ZNF181: variants seen among roughly 807,000 people sequenced by gnomAD.
ZNF181 encodes the protein zinc finger protein 181 (HHZ181).
A neutral mutation model predicts 11.9 loss-of-function variants in ZNF181; 8 were observed. That is an observed-to-expected ratio of 0.67 (90% CI 0.39 to 1.21). The LOEUF (loss-of-function observed/expected upper bound fraction) is 1.21. ZNF181 is among the 50% of genes most tolerant of loss of function. The pLI is 0.01. For missense variants in ZNF181, 542 were observed against 670.9 expected, an observed-to-expected ratio of 0.81 and a Z score of 2.12; for synonymous variants, 202 against 221.1, an observed-to-expected ratio of 0.91 and a Z score of 0.77.
At position 34,740,692 on chromosome 19, in the gene ZNF181, T is replaced by C. The variant is rs1010756876; in HGVS notation, c.311T>C (p.Ile104Thr). The change falls in exon 4 of 4, where the codon ATA becomes ACA. Residue 104 changes from isoleucine to threonine, a missense_variant. Coordinates refer to ENST00000492450, the MANE Select transcript of ZNF181 (RefSeq NM_001029997.4). ...YDEDSPQTVI[I>T]EKVVKQSYEF... Reference sequence around the variant, plus strand: ...GAAGATTCACCCCAAACAGTAATAATAGAAAAAGTTGTAAAACAAAGTTAT... The same window carrying C: ...GAAGATTCACCCCAAACAGTAATAACAGAAAAAGTTGTAAAACAAAGTTAT... The C allele has an allele frequency of 4.3e-6, 7 of 1,612,250 alleles. No individual in the cohort carries two copies. The highest frequency in any genetic ancestry group is 1.3e-5 in the African/African-American group (1 of 74,744).
chr19:34,736,987 A>T (rs2068898567), intron 1 of ZNF181, among the ~76,000 whole-genome samples: 1 of 152,260 alleles, frequency 6.6e-6, no homozygotes, highest in Non-Finnish European at 1.5e-5. Context: ...TAACTAACAC[A>T]GTGGCAACTC....
Position 34,734,849 on chromosome 19 carries a change from GGA to G in ZNF181, c.-184_-183del. 1.7e-6 allele frequency: 1 copy of G among 586,530 alleles called. No individual in the cohort carries two copies. Among genetic ancestry groups the G allele is most frequent in the South Asian group, 2.4e-5 (1 of 42,172 alleles). 36.3% of individuals were successfully genotyped at this position (586,530 alleles called of 1,614,324 possible). A position where few individuals can be genotyped will look rare whatever the true frequency, so the allele number is the denominator to read the frequency against. On this transcript the variant is annotated 5_prime_UTR_variant, in exon 1 of 4. Transcript: ENST00000492450. Reference sequence around the variant, plus strand: ...GGAGAAACACCCTGTTAGTTCCCAGGGAGAGATTGGCGCCCTGGAGAGTGATT... The same window carrying G: ...GGAGAAACACCCTGTTAGTTCCCAGGGAGATTGGCGCCCTGGAGAGTGATT...
In ZNF181 at chr19:34,745,028, T is replaced by G. The variant is rs978062429; in HGVS notation, c.*2931T>G. ...GGAAAAAGAAGGCCATCTTTTTAAA[T>G]GAAGATAGTTTTAAGAGAGCAATAA... On this transcript the variant is annotated 3_prime_UTR_variant, in exon 4 of 4. Transcript: ENST00000492450. 2.0e-5 allele frequency: 3 copies of G among 152,238 alleles called. No homozygotes were observed. Among genetic ancestry groups the G allele is most frequent in the African/African-American group, 7.2e-5 (3 of 41,468 alleles). 9.4% of individuals were successfully genotyped at this position (152,238 alleles called of 1,614,324 possible). A position where few individuals can be genotyped will look rare whatever the true frequency, so the allele number is the denominator to read the frequency against.
intron 1 of ZNF181, 52 bp downstream of exon 1, chr19:34,735,098 G>A: frequency 6.4e-7 from 1 of 1,552,656 alleles, no homozygotes; most frequent in African/African-American, 1.4e-5. Flanking sequence ...AGGACTGTGT[G>A]TTTGCTTTGC....
chr19:34,740,256 T>C (rs776886952), intron 3 of ZNF181, among the ~76,000 whole-genome samples: 27 of 152,248 alleles, frequency 1.8e-4, no homozygotes, highest in Non-Finnish European at 3.2e-4. Flanking sequence ...AGAAAAAGGC[T>C]ATGAGACAAA....
In ZNF181 at chr19:34,739,187, G is replaced by A; in HGVS notation, c.49G>A (p.Glu17Lys). 1 of 1,613,804 alleles carries A rather than the reference G, an allele frequency of 6.2e-7. No homozygotes were observed. Among genetic ancestry groups the A allele is most frequent in the Non-Finnish European group, 8.5e-7 (1 of 1,179,730 alleles). Residue 17 changes from glutamate (E) to lysine (K), a missense_variant, in exon 2 of 4, where the codon GAG becomes AAG. Physicochemically the swap from Glu to Lys is moderately conservative, Grantham distance 56. Transcript: ENST00000492450. ...NDVAIDFTHE[E>K]WGWLSSAQRD... ...TGTGGCTATAGACTTCACTCATGAA[G>A]AGTGGGGATGGCTCAGTTCTGCTCA...
chr19:34,739,687 G>A, intron 3 of ZNF181, 66 bp downstream of exon 3: 1 of 1,553,846 alleles, frequency 6.4e-7, no homozygotes, highest in Non-Finnish European at 8.9e-7. Flanking sequence ...TTTATAGTGA[G>A]TTTATAGTGA....
At chr19:34,735,919 C>T (rs531450315) in intron 1 of ZNF181, among the ~76,000 whole-genome samples, 213 of 152,332 alleles carry the variant, frequency 1.4e-3, no homozygotes, top group African/African-American at 4.9e-3. Flanking sequence ...CAGTCACCTT[C>T]CCTCGCCTAG....
Position 34,740,900 on chromosome 19 carries a change from AC to A in ZNF181, c.520del (p.Gln174LysfsTer15), listed in dbSNP as rs2068960191. 6.2e-7 allele frequency: 1 copy of A among 1,613,954 alleles called. No homozygotes were observed. The highest frequency in any genetic ancestry group is 1.3e-5 in the African/African-American group (1 of 74,920). ...ATTCAAAGTCTACTCTTTCTGAACC[AC>A]AAAAAATTTCTGCTGAAGGGAATTC... ...FHSKSTLSEP[Q>X]KISAEGNSHK... On this transcript the variant is annotated frameshift_variant, in exon 4 of 4. Transcript: ENST00000492450. LOFTEE classifies it low-confidence loss of function (END_TRUNC).
chr19:34,734,992 A>G lies in ZNF181; in HGVS notation c.-46A>G, dbSNP rs1482631980. ...CAGGACACTGCCCATCTCTAAGATA[A>G]GAGCCTGGAAAGAGGACTCTGTTGG... On this transcript the variant is annotated 5_prime_UTR_variant, in exon 1 of 4. It removes the in-frame stop codon of an upstream open reading frame in the 5' UTR. Transcript: ENST00000492450. The G allele has an allele frequency of 1.9e-6, 3 of 1,568,462 alleles. No individual in the cohort carries two copies. Among genetic ancestry groups the G allele is most frequent in the Middle Eastern group, 3.3e-4 (2 of 6,006 alleles).
rs905230241 is a variant in ZNF181 at position 34,742,160 on chromosome 19, C to T, written c.*63C>T. 5.4e-6 allele frequency: 8 copies of T among 1,470,846 alleles called. No homozygotes were observed. The highest frequency in any genetic ancestry group is 7.3e-6 in the Non-Finnish European group (8 of 1,100,476). The allele number at this position is 1,470,846 out of a possible 1,614,324, so 91.1% of individuals were successfully genotyped here. ...TTATTTAACATTAGAAAAATTTATA[C>T]TGGGGAAAGTCTTATGAATGTGGTG... On this transcript the variant is annotated 3_prime_UTR_variant, in exon 4 of 4. Transcript: ENST00000492450.
chr19:34,734,871 G>A lies in ZNF181; in HGVS notation c.-167G>A, dbSNP rs971249498. On this transcript the variant is annotated 5_prime_UTR_variant, in exon 1 of 4. The change creates a new upstream start codon in the 5' untranslated region. Transcript: ENST00000492450. ...CAGGGAGAGATTGGCGCCCTGGAGA[G>A]TGATTACCAGTGTGCCTTTCCATTA... The A allele has an allele frequency of 4.7e-6, 3 of 634,534 alleles. No homozygotes were observed. In the African/African-American group the frequency reaches 5.5e-5, roughly 12 times the overall value. The allele number at this position is 634,534 out of a possible 1,614,324, so 39.3% of individuals were successfully genotyped here. A position where few individuals can be genotyped will look rare whatever the true frequency, so the allele number is the denominator to read the frequency against.
At chr19:34,736,801 T>G (rs1476961627) in intron 1 of ZNF181, among the ~76,000 whole-genome samples, 1 of 152,160 alleles carries the variant, frequency 6.6e-6, no homozygotes, top group Admixed American at 6.5e-5. Context: ...GCATAAGAAA[T>G]TAAAATAAAT....
chr19:34,741,294 G>T lies in ZNF181; in HGVS notation c.913G>T (p.Val305Phe). 6.2e-7 allele frequency: 1 copy of T among 1,613,894 alleles called. No homozygotes were observed. Among genetic ancestry groups the T allele is most frequent in the African/African-American group, 1.3e-5 (1 of 75,046 alleles). Residue 305 changes from valine (V) to phenylalanine (F), a missense_variant, in exon 4 of 4, where the codon GTC (valine) becomes TTC (phenylalanine). Transcript: ENST00000492450. Reference protein sequence around the residue: ...CIECGKAFSHVSSLTNHQSTH... With the variant: ...CIECGKAFSHFSSLTNHQSTH... ...TGAATGTGGGAAGGCCTTTAGCCAT[G>T]TCTCATCACTTACTAACCATCAGAG...
chr19:34,735,046 G>A lies in ZNF181; in HGVS notation c.9G>A (p.Gln3=). Residue 3 remains glutamine (Q), a splice_region_variant and synonymous_variant, in exon 1 of 4, where the codon CAG becomes CAA. Transcript: ENST00000492450. MP[Q]VTFNDVAIDF... ...TTGGAAATTGCAGAGTAATGCCTCA[G>A]GTAGGTCGGTGTGTCCGCAAATCTT... The A allele has an allele frequency of 6.3e-7, 1 of 1,574,980 alleles. No homozygotes were observed. Among genetic ancestry groups the A allele is most frequent in the Non-Finnish European group, 8.6e-7 (1 of 1,159,638 alleles).
chr19:34,741,474 A>G lies in ZNF181; in HGVS notation c.1093A>G (p.Ile365Val). 6.2e-7 allele frequency: 1 copy of G among 1,613,632 alleles called. No homozygotes were observed. Among genetic ancestry groups the G allele is most frequent in the African/African-American group, 1.3e-5 (1 of 75,036 alleles). The change falls in exon 4 of 4, where the codon ATT (isoleucine) becomes GTT (valine). Residue 365 changes from isoleucine (I) to valine (V), a missense_variant. Coordinates refer to ENST00000492450, the MANE Select transcript of ZNF181 (RefSeq NM_001029997.4). The part of the protein sequence containing the change: ...GKAFIHRSSL[I>V]HHQKIHTGEK... ...GGCCTTCATTCATAGGTCATCTCTC[A>G]TTCACCATCAGAAAATCCATACTGG...
rs1255634365 is a variant in ZNF181 at position 34,743,528 on chromosome 19, G to C, written c.*1431G>C. 1 of 152,244 alleles carries C rather than the reference G, an allele frequency of 6.6e-6. No homozygotes were observed. The highest frequency in any genetic ancestry group is 6.5e-5 in the Admixed American group (1 of 15,288). 9.4% of individuals were successfully genotyped at this position (152,244 alleles called of 1,614,324 possible). On this transcript the variant is annotated 3_prime_UTR_variant, in exon 4 of 4. Transcript: ENST00000492450. The stretch of plus-strand genomic sequence containing the variant: ...TGCATCCCTGCATGTGCCTGTGCGT[G>C]TGTGTATGCGGTGTGCTGGGTGTTA...
intron 1 of ZNF181, 32 bp from the exon 2 acceptor site, chr19:34,739,116 A>G (rs1423116405): frequency 1.1e-5 from 18 of 1,612,856 alleles, no homozygotes; most frequent in Non-Finnish European, 1.5e-5. Context: ...GGCCTGGGCT[A>G]TGGCTGAGCC....
Position 34,741,822 on chromosome 19 carries a change from A to G in ZNF181, c.1441A>G (p.Arg481Gly). The G allele has an allele frequency of 6.2e-7, 1 of 1,614,064 alleles. No individual in the cohort carries two copies. Among genetic ancestry groups the G allele is most frequent in the Non-Finnish European group, 8.5e-7 (1 of 1,179,962 alleles). ...SHRSSLLQHH[R>G]IHTGEKPYEC... ...TAGGTCATCCCTGCTTCAACATCACAGAATTCATACTGGAGAGAAACCTTA... is the reference window on the plus strand; with the variant it reads ...TAGGTCATCCCTGCTTCAACATCACGGAATTCATACTGGAGAGAAACCTTA... Residue 481 changes from arginine (R) to glycine (G), a missense_variant, in exon 4 of 4, where the codon AGA becomes GGA. By Grantham distance (125) the Arg-to-Gly change is moderately radical. Coordinates refer to ENST00000492450, the MANE Select transcript of ZNF181 (RefSeq NM_001029997.4).
Sources: allele counts gnomAD v4.1 joint callset (sites outside exome capture counted in the v4.1 genomes callset), GRCh38; gene constraint gnomAD v4.1.1; transcripts MANE v1.5; gene names NCBI Gene and HGNC (gene_info 2026-07-23, HGNC 2026-07-21).